Variants in PCNT observed in about 807,000 individuals in gnomAD.
The protein encoded by PCNT is kendrin.
Under a neutral mutation model 380.4 loss-of-function variants are expected in PCNT, and 319 were observed. The observed-to-expected ratio is 0.84, with a 90% confidence interval of 0.77 to 0.92. PCNT has a LOEUF of 0.92. PCNT is among the 40% of genes least tolerant of loss of function. The pLI, the probability that PCNT is intolerant of heterozygous loss-of-function variation, is 0.00. For synonymous variants in PCNT, 1,845 were observed against 1,735.2 expected (o/e 1.06, Z -1.57); for missense variants, 4,400 against 4,255.3 (o/e 1.03, Z -0.95).
chr21:46,422,404 C>T (rs767542982), intron 32 of PCNT, among the ~76,000 whole-genome samples: 6 of 152,186 alleles, frequency 3.9e-5, no homozygotes, highest in South Asian at 2.1e-4. Flanking sequence ...GTCGCAGAGC[C>T]GGCCTGTGCC....
At chr21:46,329,442 C>T (rs1004786426) in intron 2 of PCNT, among the ~76,000 whole-genome samples, 1 of 152,128 alleles carries the variant, frequency 6.6e-6, no homozygotes, top group Non-Finnish European at 1.5e-5. Flanking sequence ...TTTGGTATTT[C>T]CTACAATAAA....
At chr21:46,345,305 C>T (rs2084030567) in intron 3 of PCNT, among the ~76,000 whole-genome samples, 1 of 152,258 alleles carries the variant, frequency 6.6e-6, no homozygotes, top group Non-Finnish European at 1.5e-5. Context: ...GCAACCTCTG[C>T]CTTCCAGGTT....
At chr21:46,380,145 ATTTTTTTTTTTTTTTTTTTTTTTTT>A (rs552854585) in intron 15 of PCNT, among the ~76,000 whole-genome samples, 2 of 59,686 alleles carry the variant, frequency 3.4e-5, no homozygotes, top group East Asian at 6.0e-4. Flanking sequence ...CCTGGGGTAG[ATTTTTTTTTTTTTTTTTTTTTTTTT>A]TTTTTTTTTT....
At chr21:46,343,094 A>G (rs1175712317) in intron 3 of PCNT, among the ~76,000 whole-genome samples, 2 of 152,018 alleles carry the variant, frequency 1.3e-5, no homozygotes, top group African/African-American at 2.4e-5. Context: ...TTGTAGGTAA[A>G]CGATCCTGTC....
At chr21:46,437,713 G>A (rs904655445) in intron 40 of PCNT, among the ~76,000 whole-genome samples, 20 of 152,192 alleles carry the variant, frequency 1.3e-4, no homozygotes, top group African/African-American at 3.4e-4. Context: ...GGGGAGCTGC[G>A]CCGCTTACCC....
At chr21:46,367,466 C>T (rs1174649353) in intron 15 of PCNT, among the ~76,000 whole-genome samples, 2 of 152,196 alleles carry the variant, frequency 1.3e-5, no homozygotes, top group Non-Finnish European at 2.9e-5. Flanking sequence ...TGCCACCATG[C>T]GCGGCTAATT....
intron 2 of PCNT, among the ~76,000 whole-genome samples, chr21:46,328,296 T>C (rs886387518): frequency 6.6e-6 from 1 of 151,456 alleles, no homozygotes; most frequent in African/African-American, 2.4e-5. Flanking sequence ...ATACAGTCTC[T>C]CTGTTGCCCA....
At chr21:46,350,637 G>C (rs2084232877) in intron 8 of PCNT, among the ~76,000 whole-genome samples, 1 of 152,142 alleles carries the variant, frequency 6.6e-6, no homozygotes, top group Non-Finnish European at 1.5e-5. Context: ...AAGTAGTTGG[G>C]GTCTAGGGTC....
chr21:46,415,037 G>A (rs1369562360), intron 29 of PCNT, among the ~76,000 whole-genome samples: 2 of 152,254 alleles, frequency 1.3e-5, no homozygotes, highest in African/African-American at 2.4e-5. Context: ...GCTTGGTGCT[G>A]AAGCCTGCTG....
Position 46,418,268 on chromosome 21 carries a change from C to G in PCNT, c.6986C>G (p.Pro2329Arg), listed in dbSNP as rs35848602. The change falls in exon 31 of 47, where the codon CCT (proline) becomes CGT (arginine). Residue 2329 changes from proline (P) to arginine (R), a missense_variant. Coordinates refer to ENST00000359568, the MANE Select transcript of PCNT (RefSeq NM_006031.6). Reference protein sequence around the residue: ...FDSQETLSSPPPGLEGKADRS... With the variant: ...FDSQETLSSPRPGLEGKADRS... Reference sequence around the variant, plus strand: ...TCTCAAGAAACATTAAGTTCACCTCCTCCTGGATTAGAAGGAAAAGCTGAT... The same window carrying G: ...TCTCAAGAAACATTAAGTTCACCTCGTCCTGGATTAGAAGGAAAAGCTGAT... 3,040 of 1,608,660 alleles carry G rather than the reference C, an allele frequency of 1.9e-3. 23 individuals are homozygous for G. Among genetic ancestry groups the G allele is most frequent in the African/African-American group, 0.015 (1,115 of 74,864 alleles).
In PCNT at chr21:46,391,148, T is replaced by C. The variant is rs1278559653; in HGVS notation, c.4004-16T>C. 1 of 1,564,324 alleles carries C rather than the reference T, an allele frequency of 6.4e-7. No individual in the cohort carries two copies. Among genetic ancestry groups the C allele is most frequent in the East Asian group, 2.3e-5 (1 of 42,862 alleles). On this transcript the variant is annotated splice_polypyrimidine_tract_variant and intron_variant, in intron 20 of 46. Coordinates refer to ENST00000359568, the MANE Select transcript of PCNT (RefSeq NM_006031.6). ...CCAGGACTGGCTTTGTCAGAGCATC[T>C]GTGTCTCCCACAAAGGTACCCTTGA...
At chr21:46,421,874 T>C in intron 31 of PCNT, 96 bp from the exon 32 acceptor site, 1 of 1,362,926 alleles carries the variant, frequency 7.3e-7, no homozygotes, top group Non-Finnish European at 1.0e-6. Flanking sequence ...CGCTGGGGAC[T>C]GCGGGCCGAT....
intron 40 of PCNT, 43 bp downstream of exon 40, chr21:46,437,124 C>T (rs751323516): frequency 7.8e-7 from 1 of 1,280,048 alleles, no homozygotes; most frequent in Non-Finnish European, 1.1e-6. Flanking sequence ...GGCTCCTCCC[C>T]CAGAGGGGCC....
At chr21:46,384,792 T>C (rs1484475579) in intron 16 of PCNT, among the ~76,000 whole-genome samples, 1 of 139,282 alleles carries the variant, frequency 7.2e-6, no homozygotes, top group African/African-American at 2.7e-5. Flanking sequence ...GTGGCGGAAG[T>C]GCATTCATGG....
chr21:46,356,980 C>G lies in PCNT; in HGVS notation c.1943C>G (p.Pro648Arg), dbSNP rs752992538. The G allele has an allele frequency of 7.9e-5, 128 of 1,613,910 alleles. 1 individual carries two copies. The Middle Eastern group carries it at 4.3e-3, about 54-fold the overall frequency. ...EPSEGHSQEL[P>R]WVHLQGVQDG... ...CTGCTCCTTTTCCACACAGAGCTTC[C>G]CTGGGTGCATCTCCAGGGTGTGCAG... The change falls in exon 13 of 47, where the codon CCC (proline) becomes CGC (arginine). Residue 648 changes from proline (P) to arginine (R), a missense_variant. By Grantham distance (103) the Pro-to-Arg change is moderately radical (BLOSUM62 -2). Coordinates refer to ENST00000359568, the MANE Select transcript of PCNT (RefSeq NM_006031.6).
chr21:46,424,150 T>G (rs978408496), intron 32 of PCNT, among the ~76,000 whole-genome samples: 3 of 152,058 alleles, frequency 2.0e-5, no homozygotes, highest in Non-Finnish European at 2.9e-5. Context: ...AAGAGTGTGG[T>G]CGACGCTCTA....
In PCNT at chr21:46,441,061, C is replaced by CA; in HGVS notation, c.9601dup (p.Arg3201LysfsTer14). 6.2e-7 allele frequency: 1 copy of CA among 1,613,300 alleles called. No homozygotes were observed. Among genetic ancestry groups the CA allele is most frequent in the Non-Finnish European group, 8.5e-7 (1 of 1,179,204 alleles). ...CTTTCACCAGGTTCCGCACGGCCGTCAGGGTGGTCATTGCAATATTAAGGT... is the reference window on the plus strand; with the variant it reads ...CTTTCACCAGGTTCCGCACGGCCGTCAAGGGTGGTCATTGCAATATTAAGGT... On this transcript the variant is annotated frameshift_variant, in exon 43 of 47. Transcript: ENST00000359568. LOFTEE classifies it high-confidence loss of function.
In PCNT at chr21:46,416,832, C is replaced by A. The variant is rs770226991; in HGVS notation, c.6914C>A (p.Thr2305Lys). The A allele has an allele frequency of 6.3e-6, 10 of 1,597,658 alleles. No homozygotes were observed. The African/African-American group carries it at 1.2e-4, about 19-fold the overall frequency. ...GCTGACGACCACCATGTGCAGAGGACGGCTGTGGTAGGTGCCTGCTCTGCT... is the reference window on the plus strand; with the variant it reads ...GCTGACGACCACCATGTGCAGAGGAAGGCTGTGGTAGGTGCCTGCTCTGCT... ...PPADDHHVQR[T>K]AVEKDVEDFI... The change falls in exon 30 of 47, where the codon ACG (threonine) becomes AAG (lysine). Residue 2305 changes from threonine (T) to lysine (K), a missense_variant. Thr to Lys is a moderately conservative substitution (Grantham distance 78). Coordinates refer to ENST00000359568, the MANE Select transcript of PCNT (RefSeq NM_006031.6).
intron 41 of PCNT, 68 bp downstream of exon 41, chr21:46,438,405 C>A (rs1235707237): frequency 5.5e-6 from 8 of 1,452,180 alleles, no homozygotes; most frequent in East Asian, 2.3e-5. Context: ...AGCTCCACCC[C>A]ACAAGAGGCC....
Sources: gnomAD v4.1 joint callset for allele counts (sites outside exome capture counted in the v4.1 genomes callset) on GRCh38, gnomAD v4.1.1 for gene constraint, MANE v1.5 for transcripts, NCBI Gene and HGNC (gene_info 2026-07-23, HGNC 2026-07-21) for gene names.